The following PRKCE variants were observed in gnomAD, a reference collection of about 807,000 sequenced individuals.
PRKCE encodes protein kinase C epsilon.
Under a neutral mutation model 85.4 loss-of-function variants are expected in PRKCE, and 16 were observed. The ratio of observed to expected loss-of-function variants is 0.19; its 90% CI spans 0.13 to 0.28. The LOEUF is 0.28. Ranked by LOEUF, PRKCE falls within the 10% of genes least tolerant of loss-of-function variation. The pLI is 1.00. For synonymous variants in PRKCE, 388 were observed against 371.5 expected, an observed-to-expected ratio of 1.04 and a Z score of -0.51; for missense variants, 573 against 975.2, an observed-to-expected ratio of 0.59 and a Z score of 5.49.
chr2:46,049,421 A>G (rs1269056350), intron 10 of PRKCE, among the ~76,000 whole-genome samples: 2 of 152,142 alleles, frequency 1.3e-5, no homozygotes, highest in Non-Finnish European at 2.9e-5. Flanking sequence ...GTGGCCTGAG[A>G]TAGGGCAACA....
intron 11 of PRKCE, among the ~76,000 whole-genome samples, chr2:46,110,569 C>T (rs78381946): frequency 0.025 from 3,765 of 151,122 alleles, 98 homozygotes; most frequent in East Asian, 0.099. Flanking sequence ...TGGTTATTAG[C>T]GTCTTCTCTC....
chr2:45,796,247 T>C lies in PRKCE; in HGVS notation c.349-46753T>C, dbSNP rs147362852. ...GTTTGTATAACGTAGTAATTGATGA[T>C]AGACTCTAGAGCCAGGCTGCCTGGC... On this transcript the variant is annotated intron_variant, in intron 1 of 14. Coordinates refer to ENST00000306156, the MANE Select transcript of PRKCE (RefSeq NM_005400.3). Among the ~76,000 whole-genome samples, 935 of 152,300 alleles carry C rather than the reference T, an allele frequency of 6.1e-3. 3 individuals are homozygous for C. Among genetic ancestry groups the C allele is most frequent in the Non-Finnish European group, 8.0e-3 (544 of 68,032 alleles).
At chr2:45,701,259 G>A (rs1328888259) in intron 1 of PRKCE, 3 of 152,224 alleles carry the variant, frequency 2.0e-5, no homozygotes, top group Non-Finnish European at 4.4e-5. Context: ...CTATGTGTGT[G>A]ATGGGGTAGG....
At chr2:45,797,679 G>T (rs1372644990) in intron 1 of PRKCE, among the ~76,000 whole-genome samples, 1 of 152,200 alleles carries the variant, frequency 6.6e-6, no homozygotes, top group African/African-American at 2.4e-5. Flanking sequence ...ACAGCACTAC[G>T]CAGAGGATGG....
chr2:45,752,430 T>C (rs561493022), intron 1 of PRKCE, among the ~76,000 whole-genome samples: 2 of 152,262 alleles, frequency 1.3e-5, no homozygotes, highest in African/African-American at 4.8e-5. Context: ...TACTGAGATA[T>C]CGCCCTCCCT....
At chr2:45,924,363 T>A (rs1698463067) in intron 2 of PRKCE, among the ~76,000 whole-genome samples, 1 of 152,228 alleles carries the variant, frequency 6.6e-6, no homozygotes, top group Non-Finnish European at 1.5e-5. Flanking sequence ...GTAGACCAGT[T>A]GTTTTTGAAT....
intron 8 of PRKCE, among the ~76,000 whole-genome samples, chr2:46,007,120 G>C (rs1193610652): frequency 6.6e-6 from 1 of 152,246 alleles, no homozygotes; most frequent in African/African-American, 2.4e-5. Context: ...ATTCCAGAGA[G>C]GGCCCAGATT....
Position 45,736,056 on chromosome 2 carries a change from G to T in PRKCE, c.348+83608G>T, listed in dbSNP as rs540293893. 2.6e-5 allele frequency among the ~76,000 whole-genome samples: 4 copies of T among 152,196 alleles called. No homozygotes were observed. In the South Asian group the frequency reaches 8.3e-4, roughly 32 times the overall value. On this transcript the variant is annotated intron_variant, in intron 1 of 14. Coordinates refer to ENST00000306156, the MANE Select transcript of PRKCE (RefSeq NM_005400.3). ...GCTCACTGCAACATCCGCCTCCTGG[G>T]TTTAAGCAATCCTCCCACCTCAGCT...
At chr2:46,055,960 G>A (rs934071380) in intron 10 of PRKCE, among the ~76,000 whole-genome samples, 1 of 152,170 alleles carries the variant, frequency 6.6e-6, no homozygotes, top group Admixed American at 6.5e-5. Context: ...ATAGCGCCCG[G>A]CCAGTAAGTC....
chr2:45,808,612 G>A lies in PRKCE; in HGVS notation c.349-34388G>A, dbSNP rs550543881. Among the ~76,000 whole-genome samples the A allele has an allele frequency of 9.2e-5, 14 of 152,310 alleles. No homozygotes were observed. In the South Asian group the frequency reaches 1.9e-3, roughly 20 times the overall value. On this transcript the variant is annotated intron_variant, in intron 1 of 14. Coordinates refer to ENST00000306156, the MANE Select transcript of PRKCE (RefSeq NM_005400.3). Reference sequence around the variant, plus strand: ...TATCTGCCAGGGAGCTGCCAGGATCGGAGCCCCCTACCGTCTGGCACTGGG... The same window carrying A: ...TATCTGCCAGGGAGCTGCCAGGATCAGAGCCCCCTACCGTCTGGCACTGGG...
chr2:45,946,524 C>T (rs1354809375), intron 2 of PRKCE, among the ~76,000 whole-genome samples: 2 of 152,170 alleles, frequency 1.3e-5, no homozygotes, highest in Non-Finnish European at 2.9e-5. Context: ...ATCAGCCTTC[C>T]AGCTCTTGTT....
At chr2:45,707,176 C>T (rs1365504437) in intron 1 of PRKCE, among the ~76,000 whole-genome samples, 1 of 152,224 alleles carries the variant, frequency 6.6e-6, no homozygotes, top group East Asian at 1.9e-4. Context: ...CATTACTTCA[C>T]AGGCAGATAT....
rs528781225 is a variant in PRKCE at position 46,041,886 on chromosome 2, A to G, written c.1437+31369A>G. On this transcript the variant is annotated intron_variant, in intron 10 of 14. Transcript: ENST00000306156. The surrounding 1 kb of genome is among the most constrained non-coding windows in gnomAD (Gnocchi z 5.5). Reference sequence around the variant, plus strand: ...CGGCTTGAATACTCTTATTTTCCACACTGGAAACTTACCATGAGCAATTCT... The same window carrying G: ...CGGCTTGAATACTCTTATTTTCCACGCTGGAAACTTACCATGAGCAATTCT... Among the ~76,000 whole-genome samples, 44 of 152,290 alleles carry G rather than the reference A, an allele frequency of 2.9e-4. No homozygotes were observed. Among genetic ancestry groups the G allele is most frequent in the African/African-American group, 9.6e-4 (40 of 41,564 alleles).
chr2:45,902,135 G>T (rs1696624287), intron 2 of PRKCE, among the ~76,000 whole-genome samples: 1 of 152,146 alleles, frequency 6.6e-6, no homozygotes, highest in African/African-American at 2.4e-5. Context: ...GTTTGAATTG[G>T]AGTGTTTGCC....
At chr2:45,795,529 C>G (rs376943422) in intron 1 of PRKCE, among the ~76,000 whole-genome samples, 5 of 152,196 alleles carry the variant, frequency 3.3e-5, no homozygotes, top group African/African-American at 1.2e-4. Flanking sequence ...AGGCTGGTCT[C>G]GAACTCCTGA....
chr2:46,099,241 CTG>C (rs1670984592), intron 11 of PRKCE, among the ~76,000 whole-genome samples: 1 of 152,112 alleles, frequency 6.6e-6, no homozygotes, highest in Non-Finnish European at 1.5e-5. Context: ...AGCTTCCTCT[CTG>C]GGGTTTATAT....
chr2:45,784,288 A>G (rs906397405), intron 1 of PRKCE, among the ~76,000 whole-genome samples: 3 of 152,236 alleles, frequency 2.0e-5, no homozygotes, highest in Non-Finnish European at 4.4e-5. Context: ...TTGCAGAGGG[A>G]GCAGTGTTGA....
intron 10 of PRKCE, among the ~76,000 whole-genome samples, chr2:46,033,426 A>G (rs2104958952): frequency 6.6e-6 from 1 of 152,260 alleles, no homozygotes; most frequent in South Asian, 2.1e-4. Flanking sequence ...CCCTCATGGC[A>G]GGGTTCTTAA....
intron 1 of PRKCE, among the ~76,000 whole-genome samples, chr2:45,681,879 G>T (rs948396548): frequency 6.6e-6 from 1 of 152,144 alleles, no homozygotes; most frequent in African/African-American, 2.4e-5. Context: ...TCACTCATTT[G>T]GCACTTATTA....
Sources: allele counts gnomAD v4.1 joint callset (sites outside exome capture counted in the v4.1 genomes callset), GRCh38; gene constraint gnomAD v4.1.1; non-coding constraint Gnocchi (gnomAD v3.1); transcripts MANE v1.5; gene names NCBI Gene and HGNC (gene_info 2026-07-23, HGNC 2026-07-21).